FYCO1: variants seen among roughly 807,000 people sequenced by gnomAD.
The protein encoded by FYCO1 is FYVE and coiled-coil domain autophagy adaptor 1, also known as FYVE and coiled-coil domain-containing protein 1.
Under a neutral mutation model 165.1 loss-of-function variants are expected in FYCO1, and 122 were observed. The observed-to-expected ratio is 0.74, with a 90% confidence interval of 0.64 to 0.86. FYCO1 has a LOEUF of 0.86. Ranked by LOEUF, FYCO1 falls within the 40% of genes least tolerant of loss-of-function variation. The probability of loss-of-function intolerance (pLI) is 0.00; values close to 1 mark genes in which losing one functional copy is unlikely to be tolerated. For synonymous variants in FYCO1, 648 were observed against 742.5 expected, an observed-to-expected ratio of 0.87 and a Z score of 2.07; for missense variants, 1,702 against 1,810.3, an observed-to-expected ratio of 0.94 and a Z score of 1.09.
intron 14 of FYCO1, among the ~76,000 whole-genome samples, chr3:45,942,718 A>T (rs1704306144): frequency 6.6e-6 from 1 of 152,182 alleles, no homozygotes; most frequent in Admixed American, 6.5e-5. Context: ...TGACAACTAG[A>T]ACTGTACTGA....
chr3:45,927,159 T>C (rs916599363), intron 16 of FYCO1, among the ~76,000 whole-genome samples: 1 of 152,240 alleles, frequency 6.6e-6, no homozygotes, highest in Non-Finnish European at 1.5e-5. Context: ...TATTTGTTTT[T>C]GTCTTTGTTT....
chr3:45,967,635 C>T lies in FYCO1; in HGVS notation c.1699G>A (p.Ala567Thr). 6.2e-7 allele frequency: 1 copy of T among 1,613,824 alleles called. No homozygotes were observed. The highest frequency in any genetic ancestry group is 8.5e-7 in the Non-Finnish European group (1 of 1,180,030). ...ACCAGGGCCTCATTCTTCTCACCTG[C>T]CACTGGCAGTTCTGGGCCAGGCGGC... is the stretch of plus-strand genomic sequence containing the variant. ...AGPPGPELPV[A>T]GEKNEALVPV... Residue 567 changes from alanine (A) to threonine (T), a missense_variant, in exon 8 of 18, where the codon GCA becomes ACA. Ala to Thr is a moderately conservative substitution (Grantham distance 58). Transcript: ENST00000296137.
Position 45,962,231 on chromosome 3 carries a change from A to T in FYCO1, c.3431T>A (p.Leu1144Gln). 3 of 1,614,152 alleles carry T rather than the reference A, an allele frequency of 1.9e-6. No individual in the cohort carries two copies. Among genetic ancestry groups the T allele is most frequent in the Non-Finnish European group, 2.5e-6 (3 of 1,179,970 alleles). The part of the protein sequence containing the change: ...KKYLEERLIE[L>Q]LRDKDALWQK... ...GGTTTGACACAGCACTCACCTGAGCAGCTCTATCAGCCGCTCCTCGAGATA... is the reference window on the plus strand; with the variant it reads ...GGTTTGACACAGCACTCACCTGAGCTGCTCTATCAGCCGCTCCTCGAGATA... The change falls in exon 11 of 18, where the codon CTG becomes CAG. Residue 1144 changes from leucine (L) to glutamine (Q), a missense_variant. Leu to Gln is a moderately radical substitution (Grantham distance 113, BLOSUM62 -2). Coordinates refer to ENST00000296137, the MANE Select transcript of FYCO1 (RefSeq NM_024513.4). This position sits in a 1 kb window ranked among gnomAD's most constrained non-coding sequence, Gnocchi z 4.4.
chr3:45,978,761 G>C (rs1706891347), intron 4 of FYCO1, among the ~76,000 whole-genome samples: 1 of 152,218 alleles, frequency 6.6e-6, no homozygotes, highest in Non-Finnish European at 1.5e-5. Context: ...GCTGAGGAGA[G>C]AGAAGAAAGA....
chr3:45,970,220 A>G (rs1232383776), intron 6 of FYCO1, among the ~76,000 whole-genome samples: 1 of 152,240 alleles, frequency 6.6e-6, no homozygotes, highest in African/African-American at 2.4e-5. Flanking sequence ...GTGCAGATAC[A>G]GAACATTTCC....
chr3:45,986,807 C>T (rs1216022460), intron 1 of FYCO1, among the ~76,000 whole-genome samples: 1 of 152,174 alleles, frequency 6.6e-6, no homozygotes, highest in Non-Finnish European at 1.5e-5. Flanking sequence ...GAGCAGGGAC[C>T]AGCCGGGGCC....
rs866620968 is a variant in FYCO1 at position 45,973,178 on chromosome 3, A to G, written c.449T>C (p.Ile150Thr). 5 of 1,614,180 alleles carry G rather than the reference A, an allele frequency of 3.1e-6. No homozygotes were observed. The Middle Eastern group carries it at 8.2e-4, about 266-fold the overall frequency. ...PFLQPKLSSDIVGQLYELTEV... is the reference protein window; with the variant it reads ...PFLQPKLSSDTVGQLYELTEV... ...AGTCAGCTCATAGAGTTGGCCCACA[A>G]TGTCCGAGCTCAGCTTTGGCTGCAG... is the stretch of plus-strand genomic sequence containing the variant. The change falls in exon 6 of 18, where the codon ATT becomes ACT. Residue 150 changes from isoleucine to threonine, a missense_variant. Transcript: ENST00000296137.
chr3:45,927,145 T>C (rs1703359440), intron 16 of FYCO1, among the ~76,000 whole-genome samples: 1 of 152,204 alleles, frequency 6.6e-6, no homozygotes, highest in South Asian at 2.1e-4. Flanking sequence ...ATTATGAGTT[T>C]TTTTATTTGT....
In FYCO1 at chr3:45,984,839, C is replaced by T. The variant is rs1306288946; in HGVS notation, c.55+17G>A. 6.2e-7 allele frequency: 1 copy of T among 1,614,128 alleles called. No homozygotes were observed. Among genetic ancestry groups the T allele is most frequent in the Non-Finnish European group, 8.5e-7 (1 of 1,179,988 alleles). On this transcript the variant is annotated intron_variant, in intron 2 of 17. Transcript: ENST00000296137. ...TCCCTCAAAACCAAACTCAGCCTGCCCAGCAACCTACCATACCTTGCAAGT... is the reference window on the plus strand; with the variant it reads ...TCCCTCAAAACCAAACTCAGCCTGCTCAGCAACCTACCATACCTTGCAAGT...
intron 5 of FYCO1, among the ~76,000 whole-genome samples, chr3:45,974,671 C>T (rs929066793): frequency 6.6e-6 from 1 of 152,088 alleles, no homozygotes; most frequent in African/African-American, 2.4e-5. Context: ...AAGCTGACAC[C>T]CATTCTCCCC....
chr3:45,921,567 T>C lies in FYCO1; in HGVS notation c.*198A>G, dbSNP rs560346602. ...CTTAATGGAAACATTGCCTGAGCCC[T>C]TCAACGCCTCGGGGGCTAAGAGTGG... On this transcript the variant is annotated 3_prime_UTR_variant, in exon 18 of 18. Transcript: ENST00000296137. 75 of 597,446 alleles carry C rather than the reference T, an allele frequency of 1.3e-4. No homozygotes were observed. The South Asian group carries it at 1.3e-3, about 10-fold the overall frequency. 37.0% of individuals were successfully genotyped at this position (597,446 alleles called of 1,614,324 possible).
chr3:45,979,167 G>C (rs1294095365), intron 4 of FYCO1, among the ~76,000 whole-genome samples: 1 of 152,160 alleles, frequency 6.6e-6, no homozygotes, highest in Non-Finnish European at 1.5e-5. Flanking sequence ...GCCTGTTCTG[G>C]AGTTTTGTAA....
In FYCO1 at chr3:45,968,321, C is replaced by A. The variant is rs562531996; in HGVS notation, c.1013G>T (p.Arg338Leu). The change falls in exon 8 of 18, where the codon CGG becomes CTG. Residue 338 changes from arginine to leucine, a missense_variant. Physicochemically the swap from Arg to Leu is moderately radical, Grantham distance 102 (BLOSUM62 -2). Transcript: ENST00000296137. ...GGGCTGCAGCATGGACTCCAGCCGCCGCAGGGCTGTGTGGTAGTCCTCCTC... is the reference window on the plus strand; with the variant it reads ...GGGCTGCAGCATGGACTCCAGCCGCAGCAGGGCTGTGTGGTAGTCCTCCTC... Reference protein sequence around the residue: ...EKEEDYHTALRRLESMLQPLA... With the variant: ...EKEEDYHTALLRLESMLQPLA... 4 of 1,613,884 alleles carry A rather than the reference C, an allele frequency of 2.5e-6. No homozygotes were observed. In the South Asian group the frequency reaches 4.4e-5, roughly 18 times the overall value.
intron 4 of FYCO1, among the ~76,000 whole-genome samples, chr3:45,979,020 C>A: frequency 6.6e-6 from 1 of 151,862 alleles, no homozygotes; most frequent in Non-Finnish European, 1.5e-5. Flanking sequence ...CCACGCCTGG[C>A]TAATTTTTTT....
intron 14 of FYCO1, among the ~76,000 whole-genome samples, chr3:45,941,595 T>C (rs1704229407): frequency 6.6e-6 from 1 of 152,236 alleles, no homozygotes; most frequent in African/African-American, 2.4e-5. Flanking sequence ...TCCTCAAATT[T>C]AGGTGAAAGT....
At position 45,959,466 on chromosome 3, in the gene FYCO1, C is replaced by T. The variant is rs751819209; in HGVS notation, c.3514G>A (p.Gly1172Arg). 41 of 1,614,002 alleles carry T rather than the reference C, an allele frequency of 2.5e-5. No individual in the cohort carries two copies. Among genetic ancestry groups the T allele is most frequent in the Admixed American group, 1.7e-4 (10 of 60,004 alleles). Reference protein sequence around the residue: ...QKLSAEERWLGDTEANHCLDC... With the variant: ...QKLSAEERWLRDTEANHCLDC... ...AGGCAGTGGTTTGCCTCTGTGTCTC[C>T]GAGCCATCTCTCCTCAGCACTGAGC... Residue 1172 changes from glycine (G) to arginine (R), a missense_variant, in exon 12 of 18, where the codon GGA becomes AGA. By Grantham distance (125) the Gly-to-Arg change is moderately radical. Transcript: ENST00000296137.
At chr3:45,984,761 A>G (rs1426633943) in intron 2 of FYCO1, 95 bp downstream of exon 2, 1 of 1,331,928 alleles carries the variant, frequency 7.5e-7, no homozygotes, top group Non-Finnish European at 1.1e-6. Flanking sequence ...TTGTGTGAAC[A>G]AAAATGAAAG....
In FYCO1 at chr3:45,952,273, T is replaced by C. The variant is rs189789030; in HGVS notation, c.3944+2976A>G. Among the ~76,000 whole-genome samples the C allele has an allele frequency of 5.2e-3, 786 of 152,306 alleles. 3 individuals carry two copies. Among genetic ancestry groups the C allele is most frequent in the African/African-American group, 0.017 (719 of 41,550 alleles). The stretch of plus-strand genomic sequence containing the variant: ...TAGTGTTTAATCTCTCCCGGATCCC[T>C]TCTTACCTTGGATTTGCTTATTTTT... On this transcript the variant is annotated intron_variant, in intron 14 of 17. Transcript: ENST00000296137.
intron 16 of FYCO1, 72 bp from the exon 17 acceptor site, chr3:45,923,837 C>A (rs559216594): frequency 9.7e-7 from 1 of 1,029,954 alleles, no homozygotes; most frequent in East Asian, 2.4e-5. Context: ...AGGGAAGACC[C>A]TTTATTTTGG....
Sources: gnomAD v4.1 joint callset for allele counts (sites outside exome capture counted in the v4.1 genomes callset) on GRCh38, gnomAD v4.1.1 for gene constraint, Gnocchi (gnomAD v3.1) non-coding constraint, MANE v1.5 for transcripts, NCBI Gene and HGNC (gene_info 2026-07-23, HGNC 2026-07-21) for gene names.